ADAMTS3: variants seen among roughly 807,000 people sequenced by gnomAD.
The protein encoded by ADAMTS3 is ADAM metallopeptidase with thrombospondin type 1 motif 3, also known as A disintegrin and metalloproteinase with thrombospondin motifs 3.
In ADAMTS3, 73 loss-of-function variants were observed where a neutral mutation model predicts 129.0. The observed-to-expected ratio is 0.57, with a 90% CI of 0.47 to 0.69. ADAMTS3 has a LOEUF of 0.69. ADAMTS3 is among the 30% of genes least tolerant of loss of function. The probability of loss-of-function intolerance (pLI) is 0.00; values close to 1 mark genes in which losing one functional copy is unlikely to be tolerated. For synonymous variants in ADAMTS3, 477 were observed against 510.8 expected (o/e 0.93, Z 0.89); for missense variants, 1,457 against 1,514.5 (o/e 0.96, Z 0.63).
intron 3 of ADAMTS3, among the ~76,000 whole-genome samples, chr4:72,468,066 T>G (rs1247836726): frequency 6.6e-6 from 1 of 152,112 alleles, no homozygotes; most frequent in African/African-American, 2.4e-5. Context: ...ATGTATTATT[T>G]CACTAATCCT....
At chr4:72,409,985 G>T (rs1722147532) in intron 4 of ADAMTS3, among the ~76,000 whole-genome samples, 1 of 151,454 alleles carries the variant, frequency 6.6e-6, no homozygotes, top group East Asian at 1.9e-4. Flanking sequence ...ATTGCTACTT[G>T]ATCTTAGTAA....
At chr4:72,336,026 C>T (rs1337693106) in intron 5 of ADAMTS3, among the ~76,000 whole-genome samples, 1 of 152,108 alleles carries the variant, frequency 6.6e-6, no homozygotes, top group African/African-American at 2.4e-5. Flanking sequence ...AGGCGATACT[C>T]TGAAGCAAAT....
chr4:72,536,166 C>T (rs759599641), intron 3 of ADAMTS3, among the ~76,000 whole-genome samples: 7 of 152,060 alleles, frequency 4.6e-5, no homozygotes, highest in East Asian at 1.9e-4. Flanking sequence ...GTCTCAACTC[C>T]GAAGATTCAA....
At chr4:72,325,259 C>A (rs1342963975) in intron 5 of ADAMTS3, among the ~76,000 whole-genome samples, 1 of 152,104 alleles carries the variant, frequency 6.6e-6, no homozygotes, top group Admixed American at 6.6e-5. Flanking sequence ...CAATGTTAGA[C>A]AAAAAGCTGT....
Position 72,343,130 on chromosome 4 carries a change from A to G in ADAMTS3, c.662-3437T>C, listed in dbSNP as rs181425914. 3.9e-3 allele frequency among the ~76,000 whole-genome samples: 592 copies of G among 152,246 alleles called. 4 individuals carry two copies. Among genetic ancestry groups the G allele is most frequent in the Non-Finnish European group, 6.0e-3 (410 of 68,010 alleles). On this transcript the variant is annotated intron_variant, in intron 4 of 21. Transcript: ENST00000286657. ...ACAGATTAGTTGGACCAGGTGTAAC[A>G]GTTACATAGCATGCTGGGAAGCTGG...
chr4:72,380,132 C>T (rs568891193), intron 4 of ADAMTS3, among the ~76,000 whole-genome samples: 4 of 152,178 alleles, frequency 2.6e-5, no homozygotes, highest in Admixed American at 2.0e-4. Flanking sequence ...CAATGGGACA[C>T]GCAAACACAT....
At chr4:72,290,098 A>T (rs1718616685) in intron 20 of ADAMTS3, among the ~76,000 whole-genome samples, 1 of 152,190 alleles carries the variant, frequency 6.6e-6, no homozygotes, top group South Asian at 2.1e-4. Flanking sequence ...GACAGGTGGT[A>T]ATAGCTGACA....
chr4:72,565,827 A>T (rs1286872798), intron 2 of ADAMTS3, among the ~76,000 whole-genome samples: 1 of 152,234 alleles, frequency 6.6e-6, no homozygotes, highest in Non-Finnish European at 1.5e-5. Flanking sequence ...ACTTCGGTTC[A>T]ATCCAGGGCC....
intron 3 of ADAMTS3, among the ~76,000 whole-genome samples, chr4:72,431,354 A>G (rs545561860): frequency 6.6e-6 from 1 of 152,090 alleles, no homozygotes; most frequent in East Asian, 2.0e-4. Flanking sequence ...AGGACAATAA[A>G]CCAGTAAACA....
chr4:72,462,115 G>C (rs1303099574), intron 3 of ADAMTS3, among the ~76,000 whole-genome samples: 2 of 151,770 alleles, frequency 1.3e-5, no homozygotes, highest in Non-Finnish European at 2.9e-5. Context: ...ATATAGTTCA[G>C]GTCATAATAA....
chr4:72,305,904 A>C (rs1719076744), intron 16 of ADAMTS3, 83 bp downstream of exon 16: 2 of 1,142,672 alleles, frequency 1.8e-6, no homozygotes, highest in Non-Finnish European at 2.6e-6. Flanking sequence ...GTGTACATAT[A>C]TACATATCTA....
intron 11 of ADAMTS3, 32 bp downstream of exon 11, chr4:72,315,826 T>G (rs780446413): frequency 3.0e-6 from 4 of 1,347,874 alleles, no homozygotes; most frequent in Non-Finnish European, 4.2e-6. Flanking sequence ...CAACATATCT[T>G]ACATATTTAT....
At position 72,417,793 on chromosome 4, in the gene ADAMTS3, C is replaced by T. The variant is rs192559214; in HGVS notation, c.505-2822G>A. ...AAAATACAAAAAAAAATTTGCCAGG[C>T]GTGGTGGCAGGCGCCTGTAGTCCCA... On this transcript the variant is annotated intron_variant, in intron 3 of 21. Coordinates refer to ENST00000286657, the MANE Select transcript of ADAMTS3 (RefSeq NM_014243.3). Among the ~76,000 whole-genome samples the T allele has an allele frequency of 5.4e-3, 815 of 151,330 alleles. 1 individual carries two copies. Among genetic ancestry groups the T allele is most frequent in the African/African-American group, 0.019 (775 of 41,270 alleles).
intron 3 of ADAMTS3, among the ~76,000 whole-genome samples, chr4:72,440,995 T>C (rs561054129): frequency 7.9e-5 from 12 of 151,890 alleles, no homozygotes; most frequent in Admixed American, 1.3e-4. Context: ...AATACCTGTG[T>C]AGCCAGCAGT....
intron 3 of ADAMTS3, among the ~76,000 whole-genome samples, chr4:72,516,610 A>C (rs1337828172): frequency 6.6e-6 from 1 of 152,054 alleles, no homozygotes; most frequent in African/African-American, 2.4e-5. Context: ...TTTGAATGGG[A>C]GTTCACTCAT....
At chr4:72,537,088 A>C (rs924763579) in intron 3 of ADAMTS3, among the ~76,000 whole-genome samples, 2 of 152,238 alleles carry the variant, frequency 1.3e-5, no homozygotes, top group Non-Finnish European at 2.9e-5. Context: ...GGGAAGACTC[A>C]AATAATAAAT....
At chr4:72,330,227 C>G (rs1430374228) in intron 5 of ADAMTS3, among the ~76,000 whole-genome samples, 1 of 152,024 alleles carries the variant, frequency 6.6e-6, no homozygotes. Flanking sequence ...CCATGTTGGC[C>G]AGGCTGGTCT....
chr4:72,445,175 T>C (rs531512575), intron 3 of ADAMTS3, among the ~76,000 whole-genome samples: 7 of 151,880 alleles, frequency 4.6e-5, no homozygotes, highest in African/African-American at 7.2e-5. Context: ...GCATTTTAAA[T>C]AGGTGAATTG....
At chr4:72,476,723 T>G (rs952987870) in intron 3 of ADAMTS3, among the ~76,000 whole-genome samples, 1 of 152,056 alleles carries the variant, frequency 6.6e-6, no homozygotes, top group Non-Finnish European at 1.5e-5. Context: ...ACATTCCTCA[T>G]AAATATTCAT....
Sources: gnomAD v4.1 joint callset for allele counts (sites outside exome capture counted in the v4.1 genomes callset) on GRCh38, gnomAD v4.1.1 for gene constraint, MANE v1.5 for transcripts, NCBI Gene and HGNC (gene_info 2026-07-23, HGNC 2026-07-21) for gene names.